The following MITF variants were observed in gnomAD, a reference collection of about 807,000 sequenced individuals.
MITF encodes the protein microphthalmia-associated transcription factor.
Under a neutral mutation model 60.5 loss-of-function variants are expected in MITF, and 17 were observed. The observed-to-expected ratio is 0.28, with a 90% CI of 0.19 to 0.42. The LOEUF (loss-of-function observed/expected upper bound fraction) is 0.42, where lower values mean the gene tolerates loss of function less well. MITF is among the 10% of genes least tolerant of loss of function. The pLI, the probability that MITF is intolerant of heterozygous loss-of-function variation, is 1.00. For missense variants in MITF, 622 were observed against 683.5 expected (o/e 0.91, Z 1.00); for synonymous variants, 260 against 248.5 (o/e 1.05, Z -0.43).
At chr3:69,943,072 C>G (rs939853498) in intron 5 of MITF, among the ~76,000 whole-genome samples, 70 of 124,932 alleles carry the variant, frequency 5.6e-4, no homozygotes, top group Non-Finnish European at 5.1e-4. Flanking sequence ...TTAGCCTCCT[C>G]TTTTTTTTTT....
At chr3:69,850,410 G>T (rs1336686851) in intron 1 of MITF, among the ~76,000 whole-genome samples, 1 of 152,154 alleles carries the variant, frequency 6.6e-6, no homozygotes, top group Non-Finnish European at 1.5e-5. Flanking sequence ...AAGGTAGAAG[G>T]TTGTTATTGA....
chr3:69,836,159 T>G (rs1298131879), intron 1 of MITF, among the ~76,000 whole-genome samples: 1 of 152,202 alleles, frequency 6.6e-6, no homozygotes, highest in Non-Finnish European at 1.5e-5. Context: ...CTTCCTTGTT[T>G]TATAGTTTTC....
intron 1 of MITF, among the ~76,000 whole-genome samples, chr3:69,870,383 TATATATGTGTATAA>T (rs1443902627): frequency 6.7e-6 from 1 of 149,422 alleles, no homozygotes; most frequent in Non-Finnish European, 1.5e-5. Context: ...TGTGTGTGTA[TATATATGTGTATAA>T]ATATATGTGT....
chr3:69,857,954 C>G (rs1279507547), intron 1 of MITF, among the ~76,000 whole-genome samples: 2 of 152,058 alleles, frequency 1.3e-5, no homozygotes, highest in East Asian at 3.8e-4. Context: ...TTATATTATT[C>G]TCTATATCTG....
At position 69,965,734 on chromosome 3, in the gene MITF, G is replaced by A. The variant is rs563236295; in HGVS notation, c.*486G>A. ...ATAAATGTATTGATTCATTGGTACT[G>A]CCTTAAAGATACAGTACCCCTCTAG... On this transcript the variant is annotated 3_prime_UTR_variant, in exon 10 of 10. Transcript: ENST00000352241. The A allele has an allele frequency of 1.4e-4, 33 of 237,944 alleles. No homozygotes were observed. In the East Asian group the frequency reaches 1.9e-3, roughly 14 times the overall value. 14.7% of individuals were successfully genotyped at this position (237,944 alleles called of 1,614,324 possible).
chr3:69,902,237 G>A (rs1249092569), intron 2 of MITF, among the ~76,000 whole-genome samples: 1 of 151,646 alleles, frequency 6.6e-6, no homozygotes, highest in South Asian at 2.1e-4. Flanking sequence ...TTCCAGTAAT[G>A]AATAATCCTT....
chr3:69,940,453 T>C (rs2065942956), intron 4 of MITF, among the ~76,000 whole-genome samples: 1 of 152,270 alleles, frequency 6.6e-6, no homozygotes, highest in African/African-American at 2.4e-5. Flanking sequence ...TAATCACTGT[T>C]GTTTATTATC....
chr3:69,788,460 C>T (rs941998248), intron 1 of MITF, among the ~76,000 whole-genome samples: 53 of 152,016 alleles, frequency 3.5e-4, no homozygotes, highest in Non-Finnish European at 5.6e-4. Flanking sequence ...ATGCTATATA[C>T]CTAATGCTAA....
intron 1 of MITF, among the ~76,000 whole-genome samples, chr3:69,867,232 C>T (rs982692088): frequency 2.6e-5 from 4 of 151,968 alleles, no homozygotes; most frequent in African/African-American, 9.7e-5. Context: ...GTCAGAAAGG[C>T]ATTATGTTCA....
intron 2 of MITF, among the ~76,000 whole-genome samples, chr3:69,903,651 T>A (rs1419731111): frequency 1.3e-5 from 2 of 151,924 alleles, no homozygotes; most frequent in Non-Finnish European, 1.5e-5. Flanking sequence ...TAAAAAAAAA[T>A]ATCAGCAAGA....
At chr3:69,821,917 A>G (rs2063281795) in intron 1 of MITF, among the ~76,000 whole-genome samples, 1 of 151,870 alleles carries the variant, frequency 6.6e-6, no homozygotes, top group African/African-American at 2.4e-5. Flanking sequence ...TAATTTCTGT[A>G]TTTTTAGTAG....
chr3:69,771,626 G>A lies in MITF; in HGVS notation c.104+31925G>A, dbSNP rs140334306. 1.5e-3 allele frequency among the ~76,000 whole-genome samples: 232 copies of A among 152,332 alleles called. 3 individuals carry two copies. Among genetic ancestry groups the A allele is most frequent in the East Asian group, 4.6e-3 (24 of 5,190 alleles). ...CTAAGGAAATTGAGAATACTGGAAA[G>A]TAAGTGTTACCATTGCAGTAAATGC... is the stretch of plus-strand genomic sequence containing the variant. On this transcript the variant is annotated intron_variant, in intron 1 of 9. Coordinates refer to ENST00000352241, the MANE Select transcript of MITF (RefSeq NM_001354604.2).
chr3:69,875,685 C>T (rs1451542789), intron 1 of MITF, among the ~76,000 whole-genome samples: 1 of 152,232 alleles, frequency 6.6e-6, no homozygotes, highest in East Asian at 1.9e-4. Flanking sequence ...GTAATGTTCT[C>T]ACATAAACCT....
At chr3:69,963,198 A>G (rs2066593615) in intron 9 of MITF, among the ~76,000 whole-genome samples, 1 of 152,220 alleles carries the variant, frequency 6.6e-6, no homozygotes, top group Non-Finnish European at 1.5e-5. Context: ...AATTTAGCCA[A>G]TAATAGGAAT....
chr3:69,848,371 G>T (rs1159683377), intron 1 of MITF, among the ~76,000 whole-genome samples: 1 of 152,132 alleles, frequency 6.6e-6, no homozygotes, highest in Non-Finnish European at 1.5e-5. Flanking sequence ...AATATTGGCT[G>T]GCCATGGAAT....
chr3:69,855,233 T>G (rs1179770071), intron 1 of MITF, among the ~76,000 whole-genome samples: 3 of 147,346 alleles, frequency 2.0e-5, no homozygotes, highest in Non-Finnish European at 3.0e-5. Context: ...TGCATTGCAT[T>G]TAAAAATTGC....
intron 2 of MITF, chr3:69,936,514 T>TTA (rs2065838217): frequency 3.2e-6 from 4 of 1,248,894 alleles, no homozygotes; most frequent in Non-Finnish European, 4.2e-6. Flanking sequence ...AAAAAGGCCC[T>TTA]TATGTGAACG....
chr3:69,789,730 C>T (rs547636964), intron 1 of MITF, among the ~76,000 whole-genome samples: 16 of 152,152 alleles, frequency 1.1e-4, no homozygotes, highest in Non-Finnish European at 2.1e-4. Context: ...GTGGCACACA[C>T]CTGTAGTCCC....
intron 1 of MITF, among the ~76,000 whole-genome samples, chr3:69,746,306 T>A (rs1200985380): frequency 6.6e-6 from 1 of 152,234 alleles, no homozygotes; most frequent in Non-Finnish European, 1.5e-5. Flanking sequence ...ATCCTTTTTT[T>A]AGAACAGATC....
Sources: allele counts gnomAD v4.1 joint callset (sites outside exome capture counted in the v4.1 genomes callset), GRCh38; gene constraint gnomAD v4.1.1; transcripts MANE v1.5; gene names NCBI Gene and HGNC (gene_info 2026-07-23, HGNC 2026-07-21).